Variants in SLC4A10 observed in about 807,000 individuals in gnomAD.
The protein encoded by SLC4A10 is solute carrier family 4 member 10.
In SLC4A10, 42 loss-of-function variants were observed where a neutral mutation model predicts 137.7. The ratio of observed to expected loss-of-function variants is 0.30; its 90% CI spans 0.24 to 0.39. SLC4A10 has a LOEUF of 0.39. SLC4A10 is among the 10% of genes least tolerant of loss of function. The probability of loss-of-function intolerance (pLI) is 1.00; values close to 1 mark genes in which losing one functional copy is unlikely to be tolerated. For synonymous variants in SLC4A10, 474 were observed against 464.1 expected, an observed-to-expected ratio of 1.02 and a Z score of -0.27; for missense variants, 925 against 1,355.0, an observed-to-expected ratio of 0.68 and a Z score of 4.98.
At chr2:161,746,484 C>G (rs902172363) in intron 1 of SLC4A10, among the ~76,000 whole-genome samples, 1 of 152,012 alleles carries the variant, frequency 6.6e-6, no homozygotes, top group Non-Finnish European at 1.5e-5. Context: ...CACTTCAGGG[C>G]GCAGGTTCCT....
chr2:161,937,193 A>T (rs1691731146), intron 15 of SLC4A10, among the ~76,000 whole-genome samples: 3 of 152,154 alleles, frequency 2.0e-5, no homozygotes, highest in Admixed American at 2.0e-4. Flanking sequence ...CATTGTGTTA[A>T]AAAAAAGATA....
At chr2:161,831,612 T>C (rs2058439962) in intron 3 of SLC4A10, among the ~76,000 whole-genome samples, 1 of 152,210 alleles carries the variant, frequency 6.6e-6, no homozygotes, top group African/African-American at 2.4e-5. Context: ...GTATGGATTT[T>C]CTTTTTAAGA....
intron 17 of SLC4A10, among the ~76,000 whole-genome samples, chr2:161,948,507 C>T (rs1338095520): frequency 1.3e-5 from 2 of 151,976 alleles, no homozygotes; most frequent in Non-Finnish European, 2.9e-5. Context: ...TTTGTGTATG[C>T]TTGTGTGTAT....
intron 15 of SLC4A10, among the ~76,000 whole-genome samples, chr2:161,911,792 C>T (rs192934367): frequency 4.4e-4 from 67 of 152,182 alleles, no homozygotes; most frequent in Admixed American, 1.3e-3. Context: ...CTTCTCACAA[C>T]TGATGGGCAC....
At chr2:161,829,085 C>A (rs1261699747) in intron 3 of SLC4A10, among the ~76,000 whole-genome samples, 1 of 151,672 alleles carries the variant, frequency 6.6e-6, no homozygotes, top group Non-Finnish European at 1.5e-5. Context: ...GCTGGTGTGG[C>A]CTGACTTAAT....
chr2:161,733,821 G>C (rs1021004350), intron 1 of SLC4A10, among the ~76,000 whole-genome samples: 1 of 152,206 alleles, frequency 6.6e-6, no homozygotes, highest in Non-Finnish European at 1.5e-5. Context: ...AGCTGCCCAA[G>C]ACTATGGGAA....
chr2:161,753,622 AGTAGTAGTAGTG>A (rs2049237328), intron 1 of SLC4A10, among the ~76,000 whole-genome samples: 1 of 152,122 alleles, frequency 6.6e-6, no homozygotes, highest in African/African-American at 2.4e-5. Flanking sequence ...CATAGCTATT[AGTAGTAGTAGTG>A]GTAGTAGTAG....
At chr2:161,959,896 A>G (rs1435405934) in intron 21 of SLC4A10, among the ~76,000 whole-genome samples, 2 of 152,144 alleles carry the variant, frequency 1.3e-5, no homozygotes, top group Non-Finnish European at 2.9e-5. Context: ...CTTTGATGAT[A>G]CTGTTATTGG....
intron 15 of SLC4A10, among the ~76,000 whole-genome samples, chr2:161,942,096 A>G (rs576977348): frequency 2.0e-5 from 3 of 152,322 alleles, no homozygotes; most frequent in South Asian, 4.1e-4. Flanking sequence ...CTATAGTAAT[A>G]ACCTTAGAAA....
intron 5 of SLC4A10, among the ~76,000 whole-genome samples, chr2:161,860,233 G>A (rs1450247535): frequency 6.6e-6 from 1 of 152,128 alleles, no homozygotes; most frequent in Non-Finnish European, 1.5e-5. Context: ...ACAGATGAGT[G>A]TGTTTTTTAA....
chr2:161,784,551 TTC>T (rs2053409571), intron 2 of SLC4A10, among the ~76,000 whole-genome samples: 2 of 151,864 alleles, frequency 1.3e-5, no homozygotes, highest in Non-Finnish European at 2.9e-5. Context: ...CAACTATTAT[TTC>T]TGACTACAAT....
chr2:161,758,505 T>C (rs1411638991), intron 1 of SLC4A10, among the ~76,000 whole-genome samples: 1 of 151,982 alleles, frequency 6.6e-6, no homozygotes, highest in Non-Finnish European at 1.5e-5. Flanking sequence ...TTTACTTGTA[T>C]CAGGAAACTT....
chr2:161,828,057 T>C (rs1396676623), intron 3 of SLC4A10, among the ~76,000 whole-genome samples: 1 of 152,184 alleles, frequency 6.6e-6, no homozygotes, highest in Non-Finnish European at 1.5e-5. Context: ...TCCCCAGCTC[T>C]CCAGTGCTAT....
At chr2:161,674,345 A>C (rs992283539) in intron 1 of SLC4A10, among the ~76,000 whole-genome samples, 2 of 152,202 alleles carry the variant, frequency 1.3e-5, no homozygotes, top group African/African-American at 2.4e-5. Context: ...TTAATATTTA[A>C]TTTTAATATG....
intron 1 of SLC4A10, among the ~76,000 whole-genome samples, chr2:161,671,424 G>A (rs1007409636): frequency 1.3e-5 from 2 of 152,138 alleles, no homozygotes; most frequent in African/African-American, 2.4e-5. Context: ...ACTAATAGAC[G>A]GAGACAATCA....
intron 4 of SLC4A10, among the ~76,000 whole-genome samples, chr2:161,842,232 A>G (rs931642944): frequency 6.6e-6 from 1 of 152,158 alleles, no homozygotes; most frequent in Admixed American, 6.5e-5. Context: ...GAGAGCAGAC[A>G]TTTTTTCCTT....
At chr2:161,755,433 T>C (rs943818418) in intron 1 of SLC4A10, among the ~76,000 whole-genome samples, 4 of 152,184 alleles carry the variant, frequency 2.6e-5, no homozygotes, top group African/African-American at 9.6e-5. Context: ...CTTTGGGAAG[T>C]TGAGTTTTCT....
chr2:161,775,190 C>T (rs925918469), intron 2 of SLC4A10, among the ~76,000 whole-genome samples: 3 of 151,900 alleles, frequency 2.0e-5, no homozygotes, highest in African/African-American at 7.2e-5. Context: ...TTCAAATTCA[C>T]CCAACTGGTA....
At chr2:161,654,838 A>G (rs1345417007) in intron 1 of SLC4A10, among the ~76,000 whole-genome samples, 1 of 151,974 alleles carries the variant, frequency 6.6e-6, no homozygotes, top group East Asian at 1.9e-4. Context: ...CTTTTTTCTC[A>G]AGATTGATTT....
Sources: gnomAD v4.1 joint callset for allele counts (sites outside exome capture counted in the v4.1 genomes callset) on GRCh38, gnomAD v4.1.1 for gene constraint, MANE v1.5 for transcripts, NCBI Gene and HGNC (gene_info 2026-07-23, HGNC 2026-07-21) for gene names.